OXR1: variants seen among roughly 807,000 people sequenced by gnomAD.
OXR1 encodes oxidation resistance 1, also known as oxidation resistance protein 1.
A neutral mutation model predicts 104.6 loss-of-function variants in OXR1; 41 were observed. The ratio of observed to expected loss-of-function variants is 0.39; its 90% CI spans 0.31 to 0.51. The LOEUF (loss-of-function observed/expected upper bound fraction) is 0.51. Among genes scored for constraint, OXR1 ranks in the 20% least tolerant of loss-of-function variants. OXR1 has a pLI of 0.77. For synonymous variants in OXR1, 348 were observed against 348.4 expected (o/e 1.00, Z 0.01); for missense variants, 955 against 1,031.9 (o/e 0.93, Z 1.02).
chr8:106,653,570 G>T (rs745772867), intron 3 of OXR1, among the ~76,000 whole-genome samples: 117 of 151,794 alleles, frequency 7.7e-4, no homozygotes, highest in Non-Finnish European at 1.2e-3. Context: ...AAAAAAATTA[G>T]AAATTAGGAA....
At chr8:106,665,278 T>C (rs1386186714) in intron 3 of OXR1, among the ~76,000 whole-genome samples, 1 of 152,036 alleles carries the variant, frequency 6.6e-6, no homozygotes, top group Non-Finnish European at 1.5e-5. Flanking sequence ...AATGTGCACA[T>C]CTTTGGATGT....
At chr8:106,589,111 T>A (rs1818877912) in intron 3 of OXR1, among the ~76,000 whole-genome samples, 1 of 152,210 alleles carries the variant, frequency 6.6e-6, no homozygotes, top group African/African-American at 2.4e-5. Context: ...AAAGGGGGAC[T>A]TGGTGTGAAC....
intron 2 of OXR1, among the ~76,000 whole-genome samples, chr8:106,366,158 G>A (rs758077832): frequency 9.9e-5 from 15 of 152,162 alleles, no homozygotes; most frequent in Non-Finnish European, 2.2e-4. Flanking sequence ...TTCTTTAGGG[G>A]TTGATAATGG....
intron 4 of OXR1, among the ~76,000 whole-genome samples, chr8:106,680,913 GT>G (rs1428181864): frequency 6.6e-6 from 1 of 152,100 alleles, no homozygotes; most frequent in African/African-American, 2.4e-5. Context: ...GTCAGCATCA[GT>G]TTGCTCATTC....
chr8:106,452,885 A>C (rs1820398108), intron 2 of OXR1, among the ~76,000 whole-genome samples: 1 of 152,104 alleles, frequency 6.6e-6, no homozygotes, highest in East Asian at 1.9e-4. Context: ...TTTTAGGACT[A>C]AATTGATATC....
intron 10 of OXR1, among the ~76,000 whole-genome samples, chr8:106,713,203 A>AAC (rs1184233547): frequency 6.6e-6 from 1 of 151,974 alleles, no homozygotes; most frequent in East Asian, 1.9e-4. Context: ...TTTCAAAAAC[A>AAC]TGTTAATTAA....
chr8:106,633,229 CA>C (rs753308627), intron 3 of OXR1, among the ~76,000 whole-genome samples: 1 of 149,536 alleles, frequency 6.7e-6, no homozygotes, highest in Non-Finnish European at 1.5e-5. Flanking sequence ...GAGATTCCAT[CA>C]AAAAAACAAA....
intron 3 of OXR1, among the ~76,000 whole-genome samples, chr8:106,677,520 G>A (rs535563232): frequency 2.3e-4 from 35 of 152,140 alleles, no homozygotes; most frequent in South Asian, 2.3e-3. Context: ...CTTCTTTTGA[G>A]TTTTTACCAA....
intron 4 of OXR1, among the ~76,000 whole-genome samples, chr8:106,679,764 T>C (rs1827966764): frequency 6.6e-6 from 1 of 151,916 alleles, no homozygotes; most frequent in African/African-American, 2.4e-5. Flanking sequence ...TGAGCTTTTT[T>C]TTTTTTTTCT....
At chr8:106,388,225 T>A (rs1817455266) in intron 2 of OXR1, among the ~76,000 whole-genome samples, 1 of 152,180 alleles carries the variant, frequency 6.6e-6, no homozygotes. Flanking sequence ...CTTATTTCCC[T>A]AGACTTGGAA....
chr8:106,666,745 G>T (rs1376249576), intron 3 of OXR1, among the ~76,000 whole-genome samples: 1 of 152,162 alleles, frequency 6.6e-6, no homozygotes, highest in African/African-American at 2.4e-5. Context: ...GACAGTGGAG[G>T]ATGAGAAAAC....
intron 1 of OXR1, among the ~76,000 whole-genome samples, chr8:106,337,656 A>C (rs1815020696): frequency 6.6e-6 from 1 of 152,226 alleles, no homozygotes; most frequent in Admixed American, 6.5e-5. Context: ...TGTTATATGT[A>C]GTCTTAAGTA....
chr8:106,491,200 A>C (rs900973900), intron 2 of OXR1, among the ~76,000 whole-genome samples: 2 of 152,182 alleles, frequency 1.3e-5, no homozygotes, highest in East Asian at 3.9e-4. Context: ...TGCCAATCTT[A>C]CTTAGATACT....
chr8:106,369,566 A>AT (rs1198019926), intron 2 of OXR1, among the ~76,000 whole-genome samples: 1 of 152,052 alleles, frequency 6.6e-6, no homozygotes, highest in Non-Finnish European at 1.5e-5. Flanking sequence ...TCTTGAGTTA[A>AT]TTTTTTTATA....
rs538560462 is a variant in OXR1, at chr8:106,445,305, A to G, written c.24-73638A>G. Among the ~76,000 whole-genome samples the G allele has an allele frequency of 1.1e-4, 16 of 152,338 alleles. No homozygotes were observed. In the South Asian group the frequency reaches 3.1e-3, roughly 30 times the overall value. On this transcript the variant is annotated intron_variant, in intron 2 of 16. Transcript: ENST00000517566. Reference sequence around the variant, plus strand: ...GTGAAATCTGAATCATTATAAAACAAACCACAATACAGAGGTGAAAAGTAC... The same window carrying G: ...GTGAAATCTGAATCATTATAAAACAGACCACAATACAGAGGTGAAAAGTAC...
At chr8:106,332,506 G>A (rs1814762634) in intron 1 of OXR1, among the ~76,000 whole-genome samples, 1 of 152,140 alleles carries the variant, frequency 6.6e-6, no homozygotes, top group South Asian at 2.1e-4. Flanking sequence ...GCTAGGTTTT[G>A]GAGACTTGCA....
chr8:106,421,556 C>T (rs899307008), intron 2 of OXR1, among the ~76,000 whole-genome samples: 2 of 152,060 alleles, frequency 1.3e-5, no homozygotes, highest in African/African-American at 4.8e-5. Context: ...TCTCACATGC[C>T]CAACTCAGGA....
chr8:106,487,586 C>G (rs1468596242), intron 2 of OXR1, among the ~76,000 whole-genome samples: 24 of 149,958 alleles, frequency 1.6e-4, no homozygotes, highest in Non-Finnish European at 3.0e-4. Context: ...CCCAACCCCA[C>G]AACAGTCCCC....
Position 106,706,922 on chromosome 8 carries a change from T to C in OXR1, c.1401T>C (p.Asn467=). Residue 467 remains asparagine (N), a synonymous_variant, in exon 9 of 17, where the codon AAT becomes AAC. Transcript: ENST00000517566. ...ACCAAGAAGAGAGTCAAAAAGAAAA[T>C]ATGCCTTGTGGGGAAACAGCAGAAT... ...SLHQEESQKE[N]MPCGETAEFK... 1 of 1,612,174 alleles carries C rather than the reference T, an allele frequency of 6.2e-7. No homozygotes were observed. The highest frequency in any genetic ancestry group is 8.5e-7 in the Non-Finnish European group (1 of 1,179,638).
Sources: allele counts gnomAD v4.1 joint callset (sites outside exome capture counted in the v4.1 genomes callset), GRCh38; gene constraint gnomAD v4.1.1; transcripts MANE v1.5; gene names NCBI Gene and HGNC (gene_info 2026-07-23, HGNC 2026-07-21).